Variants in CSMD1 observed in about 807,000 individuals in gnomAD.
The protein encoded by CSMD1 is CUB and Sushi multiple domains 1, also known as CUB and sushi domain-containing protein 1.
In CSMD1, 213 loss-of-function variants were observed where a neutral mutation model predicts 417.5. The ratio of observed to expected loss-of-function variants is 0.51; its 90% confidence interval spans 0.46 to 0.57. The LOEUF (loss-of-function observed/expected upper bound fraction) is 0.57, where lower values mean the gene tolerates loss of function less well. CSMD1 is among the 20% of genes least tolerant of loss of function. The pLI is 0.00. For missense variants in CSMD1, 6,923 were observed against 4,529.7 expected (o/e 1.53, Z -15.17); for synonymous variants, 2,862 against 1,736.8 (o/e 1.65, Z -16.11).
chr8:4,915,837 C>A (rs997761867), intron 1 of CSMD1, among the ~76,000 whole-genome samples: 1 of 152,228 alleles, frequency 6.6e-6, no homozygotes, highest in Non-Finnish European at 1.5e-5. Flanking sequence ...CCATCTGTCA[C>A]AATGGCATCC....
At chr8:3,820,644 C>T (rs118147916) in intron 5 of CSMD1, among the ~76,000 whole-genome samples, 5 of 152,298 alleles carry the variant, frequency 3.3e-5, no homozygotes, top group South Asian at 2.1e-4. Flanking sequence ...GGCGTAATCT[C>T]GGCTCAGTGC....
chr8:3,131,292 A>G (rs1314809070), intron 41 of CSMD1, among the ~76,000 whole-genome samples: 1 of 152,110 alleles, frequency 6.6e-6, no homozygotes, highest in Non-Finnish European at 1.5e-5. Flanking sequence ...ATGTATACAT[A>G]TGTAACTAAC....
chr8:4,646,032 G>A (rs1431992815), intron 1 of CSMD1, among the ~76,000 whole-genome samples: 1 of 152,164 alleles, frequency 6.6e-6, no homozygotes, highest in Non-Finnish European at 1.5e-5. Context: ...TCACATCGAT[G>A]TTTTGGAAAT....
chr8:4,550,238 C>G (rs931079673), intron 2 of CSMD1, among the ~76,000 whole-genome samples: 1 of 151,872 alleles, frequency 6.6e-6, no homozygotes, highest in Non-Finnish European at 1.5e-5. Flanking sequence ...TCAGCCTTCA[C>G]TTTTGCTTCT....
At chr8:4,000,221 G>C (rs1050788649) in intron 4 of CSMD1, among the ~76,000 whole-genome samples, 1 of 151,390 alleles carries the variant, frequency 6.6e-6, no homozygotes, top group Non-Finnish European at 1.5e-5. Context: ...ACAGCCGAAT[G>C]TCTCTCCTGC....
chr8:3,668,366 C>A (rs1409770926), intron 7 of CSMD1, among the ~76,000 whole-genome samples: 1 of 152,052 alleles, frequency 6.6e-6, no homozygotes, highest in African/African-American at 2.4e-5. Context: ...CGGATGGAGT[C>A]CCCAGACCCA....
intron 1 of CSMD1, among the ~76,000 whole-genome samples, chr8:4,860,511 G>T (rs899137303): frequency 6.6e-6 from 1 of 151,936 alleles, no homozygotes; most frequent in Non-Finnish European, 1.5e-5. Flanking sequence ...ATGAGTAAAA[G>T]CTCTCTGAGG....
At chr8:4,749,461 C>G (rs1469302221) in intron 1 of CSMD1, among the ~76,000 whole-genome samples, 1 of 152,182 alleles carries the variant, frequency 6.6e-6, no homozygotes, top group East Asian at 1.9e-4. Flanking sequence ...GGTTAAGACC[C>G]TTCTTGAGAA....
At chr8:3,990,983 T>C (rs1814698825) in intron 5 of CSMD1, among the ~76,000 whole-genome samples, 1 of 152,114 alleles carries the variant, frequency 6.6e-6, no homozygotes, top group Non-Finnish European at 1.5e-5. Flanking sequence ...AGAAAATGTG[T>C]CTTGCAAAAA....
chr8:4,275,037 A>C (rs1179865478), intron 3 of CSMD1, among the ~76,000 whole-genome samples: 3 of 152,164 alleles, frequency 2.0e-5, no homozygotes, highest in Non-Finnish European at 4.4e-5. Context: ...GGTATCCCTT[A>C]AACTACTTGC....
chr8:3,747,592 T>C (rs866978534), intron 6 of CSMD1, among the ~76,000 whole-genome samples: 5 of 152,152 alleles, frequency 3.3e-5, no homozygotes, highest in African/African-American at 7.2e-5. Flanking sequence ...TTATTACTTC[T>C]ATGGTTAATG....
intron 1 of CSMD1, among the ~76,000 whole-genome samples, 182 bp from the exon 2 acceptor site, chr8:4,637,740 A>G (rs1010071001): frequency 3.6e-4 from 48 of 134,600 alleles, no homozygotes; most frequent in East Asian, 3.4e-3. Context: ...GCGCGATCTC[A>G]GCTCACTGCA....
rs577942909 is a variant in CSMD1 at position 3,213,655 on chromosome 8, A to T, written c.4867+842T>A. Reference sequence around the variant, plus strand: ...TAGTTTTTTCTCTCTATATATATACAGATAAATAGGTGTAAATATATATGT... The same window carrying T: ...TAGTTTTTTCTCTCTATATATATACTGATAAATAGGTGTAAATATATATGT... On this transcript the variant is annotated intron_variant, in intron 30 of 69. Transcript: ENST00000635120. Among the ~76,000 whole-genome samples the T allele has an allele frequency of 5.4e-4, 81 of 151,070 alleles. 2 individuals carry two copies. In the South Asian group the frequency reaches 0.016, roughly 31 times the overall value.
intron 2 of CSMD1, among the ~76,000 whole-genome samples, chr8:4,628,933 C>G (rs1802334241): frequency 1.3e-5 from 2 of 152,172 alleles, no homozygotes; most frequent in Admixed American, 6.5e-5. Context: ...AATGGACACT[C>G]TGATACTGTG....
intron 3 of CSMD1, among the ~76,000 whole-genome samples, chr8:4,315,774 A>C (rs1798887938): frequency 6.6e-6 from 1 of 150,404 alleles, no homozygotes; most frequent in Non-Finnish European, 1.5e-5. Context: ...ATTTCATTTC[A>C]AAACATATTT....
chr8:3,459,631 A>G (rs1380089625), intron 12 of CSMD1, among the ~76,000 whole-genome samples: 1 of 151,904 alleles, frequency 6.6e-6, no homozygotes, highest in Non-Finnish European at 1.5e-5. Context: ...CTGAAGGGTA[A>G]CTCCCGGACG....
chr8:3,450,816 T>C (rs769292056), intron 12 of CSMD1, among the ~76,000 whole-genome samples: 61 of 151,950 alleles, frequency 4.0e-4, no homozygotes, highest in African/African-American at 1.4e-3. Context: ...TTATAATCCT[T>C]TGGGTATATA....
At chr8:2,996,869 T>A (rs1300749045) in intron 54 of CSMD1, among the ~76,000 whole-genome samples, 1 of 152,198 alleles carries the variant, frequency 6.6e-6, no homozygotes, top group African/African-American at 2.4e-5. Context: ...GTAGTTCAGG[T>A]GAAATCAGTA....
At chr8:3,653,143 A>T (rs1441152526) in intron 7 of CSMD1, among the ~76,000 whole-genome samples, 1 of 151,876 alleles carries the variant, frequency 6.6e-6, no homozygotes, top group Non-Finnish European at 1.5e-5. Flanking sequence ...ATAAATTCAA[A>T]TTTTTTCAAG....
Sources: gnomAD v4.1 joint callset for allele counts (sites outside exome capture counted in the v4.1 genomes callset) on GRCh38, gnomAD v4.1.1 for gene constraint, MANE v1.5 for transcripts, NCBI Gene and HGNC (gene_info 2026-07-23, HGNC 2026-07-21) for gene names.